ACTR3C: variants seen among roughly 807,000 people sequenced by gnomAD.
ACTR3C encodes actin-related protein 3C.
In ACTR3C, 18 loss-of-function variants were observed where a neutral mutation model predicts 26.3. That is an observed-to-expected ratio of 0.68 (90% CI 0.47 to 1.01). ACTR3C has a LOEUF of 1.01. ACTR3C is among the 50% of genes least tolerant of loss of function. The pLI is 0.00. For missense variants in ACTR3C, 184 were observed against 250.7 expected (o/e 0.73, Z 1.80); for synonymous variants, 55 against 94.5 (o/e 0.58, Z 2.42).
the ACTR3C span, among the ~76,000 whole-genome samples, chr7:150,179,462 A>G: frequency 6.7e-6 from 1 of 148,584 alleles, no homozygotes; most frequent in Non-Finnish European, 1.5e-5. Context: ...ATTAAAATCA[A>G]TGCCTACATA....
chr7:150,018,146 C>A, the ACTR3C span, among the ~76,000 whole-genome samples: 1 of 149,898 alleles, frequency 6.7e-6, no homozygotes, highest in Non-Finnish European at 1.5e-5. Flanking sequence ...CTAGCTCTGT[C>A]CCCCAGGATG....
the ACTR3C span, among the ~76,000 whole-genome samples, chr7:150,130,167 T>G: frequency 6.6e-6 from 1 of 152,222 alleles, no homozygotes; most frequent in South Asian, 2.1e-4. Flanking sequence ...TCTAAAAAAT[T>G]TAACATGAAC....
the ACTR3C span, among the ~76,000 whole-genome samples, chr7:150,079,444 G>A: frequency 2.0e-5 from 3 of 152,162 alleles, 1 homozygote. Context: ...AGCAGCAAAC[G>A]TTCACAGAGT....
At chr7:150,042,239 A>G in the ACTR3C span, among the ~76,000 whole-genome samples, 72 of 18,098 alleles carry the variant, frequency 4.0e-3, 19 homozygotes, top group South Asian at 0.011. Flanking sequence ...AGAGGGGATA[A>G]CTCTCAGTCC....
At chr7:149,953,121 A>T in the ACTR3C span, among the ~76,000 whole-genome samples, 7,002 of 144,164 alleles carry the variant, frequency 0.049, 513 homozygotes, top group African/African-American at 0.18. Context: ...CATTAAGACA[A>T]GATAAATGTG....
At chr7:149,909,274 AAAAAAG>A in the ACTR3C span, among the ~76,000 whole-genome samples, 2 of 149,318 alleles carry the variant, frequency 1.3e-5, no homozygotes, top group Non-Finnish European at 3.0e-5. Context: ...CCAAAAAAAA[AAAAAAG>A]AATCTTTCAA....
chr7:150,033,511 G>A, the ACTR3C span, among the ~76,000 whole-genome samples: 1 of 152,188 alleles, frequency 6.6e-6, no homozygotes. Context: ...AGTACTCCAG[G>A]TGGGTCCTAA....
chr7:149,889,564 C>T, the ACTR3C span, among the ~76,000 whole-genome samples: 1 of 152,104 alleles, frequency 6.6e-6, no homozygotes, highest in Non-Finnish European at 1.5e-5. Flanking sequence ...GGGAAATGTA[C>T]ATTAAAGTCA....
At chr7:149,961,668 A>G in the ACTR3C span, among the ~76,000 whole-genome samples, 1 of 151,874 alleles carries the variant, frequency 6.6e-6, no homozygotes, top group Non-Finnish European at 1.5e-5. Flanking sequence ...ATGGGCTCAT[A>G]GAAGTATAAA....
the ACTR3C span, among the ~76,000 whole-genome samples, chr7:150,092,347 G>T: frequency 2.6e-5 from 4 of 151,162 alleles, no homozygotes; most frequent in Non-Finnish European, 4.4e-5. Context: ...TTTGATACCA[G>T]CTTTGTTCTG....
the ACTR3C span, among the ~76,000 whole-genome samples, chr7:150,125,556 G>A: frequency 6.6e-6 from 1 of 151,830 alleles, no homozygotes; most frequent in Non-Finnish European, 1.5e-5. Flanking sequence ...CCTTTCATAA[G>A]TGAAATAATT....
the ACTR3C span, among the ~76,000 whole-genome samples, chr7:150,198,204 C>T: frequency 1.3e-5 from 2 of 149,142 alleles, no homozygotes; most frequent in Non-Finnish European, 3.0e-5. Context: ...CAACCTACAC[C>T]TCCCAGCCGC....
the ACTR3C span, among the ~76,000 whole-genome samples, chr7:150,162,728 A>G: frequency 6.6e-6 from 1 of 152,240 alleles, no homozygotes; most frequent in South Asian, 2.1e-4. Context: ...AGCAATGGCA[A>G]CAATATCATC....
chr7:150,187,609 C>T, the ACTR3C span, among the ~76,000 whole-genome samples: 1 of 127,624 alleles, frequency 7.8e-6, no homozygotes, highest in Non-Finnish European at 1.6e-5. Context: ...CTCAGTCTTC[C>T]ATGACCTAGA....
the ACTR3C span, among the ~76,000 whole-genome samples, chr7:150,181,984 A>G: frequency 5.9e-3 from 890 of 150,560 alleles, 30 homozygotes; most frequent in South Asian, 0.051. Context: ...TAACATGCTA[A>G]TTACACTAGA....
At position 150,289,557 on chromosome 7, in the gene ACTR3C, T is replaced by TGCA; in HGVS notation, c.189_190insTGC (p.His63_Ile64insCys). On this transcript the variant is annotated inframe_insertion, in exon 4 of 8. Transcript: ENST00000683684. Reference sequence around the variant, plus strand: ...GTAATATCTCTACCTGCAATCGGGATGTGTTTGATGCAGCTTCCAATTACA... The same window carrying TGCA: ...GTAATATCTCTACCTGCAATCGGGATGCAGTGTTTGATGCAGCTTCCAATTACA... 6.3e-7 allele frequency: 1 copy of TGCA among 1,599,364 alleles called. No individual in the cohort carries two copies. Among genetic ancestry groups the TGCA allele is most frequent in the African/African-American group, 1.3e-5 (1 of 74,122 alleles).
chr7:150,085,929 A>G, the ACTR3C span, among the ~76,000 whole-genome samples: 1 of 152,096 alleles, frequency 6.6e-6, no homozygotes, highest in African/African-American at 2.4e-5. Flanking sequence ...GATGGAAACA[A>G]AAAATACAAG....
At chr7:149,997,658 CAT>C in the ACTR3C span, among the ~76,000 whole-genome samples, 1 of 149,548 alleles carries the variant, frequency 6.7e-6, no homozygotes, top group Non-Finnish European at 1.5e-5. Context: ...TCCTCTGAGT[CAT>C]ATGAGCCCCT....
At chr7:150,109,243 T>C in the ACTR3C span, among the ~76,000 whole-genome samples, 1 of 151,962 alleles carries the variant, frequency 6.6e-6, no homozygotes, top group African/African-American at 2.4e-5. Context: ...GAATAGTTAC[T>C]AAAAACCTAC....
Sources: gnomAD v4.1 joint callset for allele counts (sites outside exome capture counted in the v4.1 genomes callset) on GRCh38, gnomAD v4.1.1 for gene constraint, MANE v1.5 for transcripts, NCBI Gene and HGNC (gene_info 2026-07-23, HGNC 2026-07-21) for gene names.